The following GABRG2 variants were observed in gnomAD, a reference collection of about 807,000 sequenced individuals.
The protein encoded by GABRG2 is gamma-aminobutyric acid receptor subunit gamma-2.
A neutral mutation model predicts 56.4 loss-of-function variants in GABRG2; 16 were observed. That is an observed-to-expected ratio of 0.28 (90% CI 0.19 to 0.43). The LOEUF (loss-of-function observed/expected upper bound fraction) is 0.43, where lower values mean the gene tolerates loss of function less well. Among genes scored for constraint, GABRG2 ranks in the 20% least tolerant of loss-of-function variants. The pLI is 1.00. For missense variants in GABRG2, 327 were observed against 582.7 expected, an observed-to-expected ratio of 0.56 and a Z score of 4.52; for synonymous variants, 208 against 205.5, an observed-to-expected ratio of 1.01 and a Z score of -0.10.
chr5:162,106,418 A>G (rs532618330), intron 6 of GABRG2, among the ~76,000 whole-genome samples: 1 of 152,224 alleles, frequency 6.6e-6, no homozygotes, highest in East Asian at 1.9e-4. Flanking sequence ...TGAATTGAAC[A>G]TTAGTGTTGA....
At chr5:162,141,123 G>A (rs1477411668) in intron 6 of GABRG2, among the ~76,000 whole-genome samples, 3 of 152,018 alleles carry the variant, frequency 2.0e-5, no homozygotes, top group Non-Finnish European at 4.4e-5. Flanking sequence ...TGCAAGCTCC[G>A]CCTCCCGGGT....
At chr5:162,109,980 T>C (rs1762142359) in intron 6 of GABRG2, among the ~76,000 whole-genome samples, 1 of 152,106 alleles carries the variant, frequency 6.6e-6, no homozygotes, top group South Asian at 2.1e-4. Context: ...ATATTGTCTT[T>C]AGCAATGCAT....
At chr5:162,149,740 AG>A (rs1224482848) in intron 8 of GABRG2, 1 of 453,248 alleles carries the variant, frequency 2.2e-6, no homozygotes, top group Admixed American at 2.4e-5. Context: ...CAGCCCCCTG[AG>A]TAGCTGGGAC....
At chr5:162,151,382 G>A (rs935001852) in intron 8 of GABRG2, 23 of 220,134 alleles carry the variant, frequency 1.0e-4, no homozygotes, top group Non-Finnish European at 2.0e-4. Context: ...CACCTATTAA[G>A]TTATCCGTGA....
chr5:162,134,109 A>G (rs571460810), intron 6 of GABRG2, among the ~76,000 whole-genome samples: 4 of 152,050 alleles, frequency 2.6e-5, no homozygotes. Flanking sequence ...TTTTCTTTGG[A>G]TTTATCATCA....
chr5:162,132,786 A>T (rs1023321210), intron 6 of GABRG2, among the ~76,000 whole-genome samples: 1 of 152,082 alleles, frequency 6.6e-6, no homozygotes. Flanking sequence ...TAAGAATGGA[A>T]TATGAATTCA....
At chr5:162,134,567 T>G (rs560156331) in intron 6 of GABRG2, among the ~76,000 whole-genome samples, 12 of 152,294 alleles carry the variant, frequency 7.9e-5, no homozygotes, top group African/African-American at 2.4e-4. Context: ...ATAGAAAAGT[T>G]GCCTGAAATC....
intron 6 of GABRG2, among the ~76,000 whole-genome samples, chr5:162,139,479 A>G (rs1333415728): frequency 6.6e-6 from 1 of 152,222 alleles, no homozygotes; most frequent in African/African-American, 2.4e-5. Flanking sequence ...ATCCACTGGT[A>G]GAAAAGCTGT....
At chr5:162,138,194 T>C (rs1764282743) in intron 6 of GABRG2, among the ~76,000 whole-genome samples, 2 of 152,214 alleles carry the variant, frequency 1.3e-5, no homozygotes, top group Non-Finnish European at 2.9e-5. Flanking sequence ...ATTCTATAGT[T>C]TTCATTCTGT....
intron 1 of GABRG2, among the ~76,000 whole-genome samples, chr5:162,082,912 G>T (rs1008588867): frequency 6.6e-6 from 1 of 151,590 alleles, no homozygotes; most frequent in South Asian, 2.1e-4. Context: ...AAACTTAGTA[G>T]TAGTCTTCTA....
chr5:162,107,982 C>A (rs184524732), intron 6 of GABRG2, among the ~76,000 whole-genome samples: 1 of 152,254 alleles, frequency 6.6e-6, no homozygotes. Flanking sequence ...ATGCCTTTCA[C>A]CTTAATTATA....
chr5:162,084,396 G>A lies in GABRG2; in HGVS notation c.108-9432G>A, dbSNP rs903081659. Among the ~76,000 whole-genome samples, 5 of 151,920 alleles carry A rather than the reference G, an allele frequency of 3.3e-5. No individual in the cohort carries two copies. In the East Asian group the frequency reaches 7.7e-4, roughly 24 times the overall value. The stretch of plus-strand genomic sequence containing the variant: ...ACCATGAAACACTATAGCAAGTGAC[G>A]TCTGACTTACCTAAAAGCAGTTACC... On this transcript the variant is annotated intron_variant, in intron 1 of 9. Transcript: ENST00000639213.
intron 6 of GABRG2, among the ~76,000 whole-genome samples, chr5:162,119,751 A>T (rs1762861299): frequency 6.6e-6 from 1 of 152,190 alleles, no homozygotes; most frequent in African/African-American, 2.4e-5. Flanking sequence ...ATGCTTCAAT[A>T]GCATGTCATT....
chr5:162,116,105 C>T (rs867925607), intron 6 of GABRG2, among the ~76,000 whole-genome samples: 6 of 131,176 alleles, frequency 4.6e-5, no homozygotes, highest in Non-Finnish European at 7.9e-5. Flanking sequence ...AAGGGGTGTG[C>T]GTGCATGTGT....
chr5:162,138,636 C>T (rs940492592), intron 6 of GABRG2, among the ~76,000 whole-genome samples: 1 of 152,088 alleles, frequency 6.6e-6, no homozygotes, highest in African/African-American at 2.4e-5. Context: ...ACTATTTATG[C>T]CTTCAAAGTT....
At chr5:162,133,156 A>G (rs1020422213) in intron 6 of GABRG2, among the ~76,000 whole-genome samples, 1 of 152,056 alleles carries the variant, frequency 6.6e-6, no homozygotes, top group African/African-American at 2.4e-5. Context: ...AAAGGAAAAA[A>G]AAATCACTCA....
intron 8 of GABRG2, chr5:162,150,721 A>C (rs1017518497): frequency 1.3e-5 from 2 of 152,240 alleles, no homozygotes; most frequent in Non-Finnish European, 2.9e-5. Flanking sequence ...ATTCTGATGC[A>C]GCTGCAGAAA....
At chr5:162,141,575 C>A (rs1029851873) in intron 6 of GABRG2, among the ~76,000 whole-genome samples, 5 of 152,102 alleles carry the variant, frequency 3.3e-5, no homozygotes, top group Admixed American at 2.6e-4. Context: ...CTGCAAAAAT[C>A]ACCACACAAA....
intron 6 of GABRG2, among the ~76,000 whole-genome samples, chr5:162,128,665 C>T (rs960943802): frequency 1.3e-5 from 2 of 151,918 alleles, no homozygotes; most frequent in South Asian, 4.1e-4. Context: ...TACTGTACTT[C>T]GACTTTTTGA....
Sources: gnomAD v4.1 joint callset for allele counts (sites outside exome capture counted in the v4.1 genomes callset) on GRCh38, gnomAD v4.1.1 for gene constraint, MANE v1.5 for transcripts, NCBI Gene and HGNC (gene_info 2026-07-23, HGNC 2026-07-21) for gene names.